The following TBCEL variants were observed in gnomAD, a reference collection of about 807,000 sequenced individuals.
TBCEL encodes tubulin-specific chaperone cofactor E-like protein.
In TBCEL, 15 loss-of-function variants were observed where a neutral mutation model predicts 44.2. That is an observed-to-expected ratio of 0.34 (90% CI 0.23 to 0.52). The LOEUF (loss-of-function observed/expected upper bound fraction) is 0.52. TBCEL is among the 20% of genes least tolerant of loss of function. TBCEL has a pLI of 0.95. For missense variants in TBCEL, 319 were observed against 506.3 expected (o/e 0.63, Z 3.55); for synonymous variants, 171 against 185.4 (o/e 0.92, Z 0.63).
intron 2 of TBCEL, among the ~76,000 whole-genome samples, chr11:121,037,848 A>T (rs1044908963): frequency 2.6e-5 from 4 of 152,136 alleles, no homozygotes; most frequent in Non-Finnish European, 5.9e-5. Context: ...TTTTGATAAT[A>T]CTTATTTACA....
intron 1 of TBCEL, among the ~76,000 whole-genome samples, chr11:121,029,465 A>G (rs1232918918): frequency 1.3e-5 from 2 of 152,248 alleles, no homozygotes; most frequent in Admixed American, 1.3e-4. Context: ...TAACTGTGAA[A>G]TGGCTATTAA....
At position 121,087,119 on chromosome 11, in the gene TBCEL, C is replaced by A; in HGVS notation, c.*23C>A. ...TAACCTCTACCAGCCTTGTGAAAAA[C>A]ATACACATAAGGACTTGTTGCAGGG... On this transcript the variant is annotated 3_prime_UTR_variant, in exon 9 of 9. Transcript: ENST00000683345. 6.3e-7 allele frequency: 1 copy of A among 1,596,968 alleles called. No homozygotes were observed. Among genetic ancestry groups the A allele is most frequent in the Non-Finnish European group, 8.5e-7 (1 of 1,171,574 alleles).
intron 8 of TBCEL, among the ~76,000 whole-genome samples, chr11:121,085,242 G>A (rs1946195214): frequency 6.6e-6 from 1 of 151,976 alleles, no homozygotes; most frequent in Non-Finnish European, 1.5e-5. Context: ...GTTTCACCAT[G>A]TTGACCAGGC....
chr11:121,060,028 C>G lies in TBCEL; in HGVS notation c.899C>G (p.Ser300Cys). ...SVVTDGERED[S>C]ERFFIRYYVD... is the part of the protein sequence containing the mutation. ...GTTACTGATGGTGAACGAGAAGATT[C>G]TGAGAGATTTTTTATTCGTTACTAT... Residue 300 changes from serine (S) to cysteine (C), a missense_variant, in exon 8 of 9, where the codon TCT becomes TGT. Ser to Cys is a moderately radical substitution (Grantham distance 112, BLOSUM62 -1). Coordinates refer to ENST00000683345, the MANE Select transcript of TBCEL (RefSeq NM_001363644.2). The G allele has an allele frequency of 6.2e-7, 1 of 1,611,608 alleles. No homozygotes were observed. The highest frequency in any genetic ancestry group is 1.1e-5 in the South Asian group (1 of 90,928).
intron 6 of TBCEL, among the ~76,000 whole-genome samples, 161 bp downstream of exon 6, chr11:121,055,469 A>G (rs1417946259): frequency 2.6e-5 from 4 of 151,918 alleles, no homozygotes; most frequent in Non-Finnish European, 4.4e-5. Context: ...TAAGAGATTC[A>G]TTTTCATAAA....
At chr11:121,074,302 G>A (rs1427558625) in intron 8 of TBCEL, among the ~76,000 whole-genome samples, 1 of 151,930 alleles carries the variant, frequency 6.6e-6, no homozygotes, top group East Asian at 1.9e-4. Flanking sequence ...TTGGCCCCTA[G>A]GCAGCCACTG....
chr11:121,025,660 A>T (rs1027969439), intron 1 of TBCEL, among the ~76,000 whole-genome samples: 1 of 152,118 alleles, frequency 6.6e-6, no homozygotes, highest in Non-Finnish European at 1.5e-5. Context: ...TTTGGTGTCA[A>T]TCAGTGTCCT....
intron 8 of TBCEL, among the ~76,000 whole-genome samples, chr11:121,082,555 A>T (rs1379539452): frequency 1.3e-5 from 2 of 152,234 alleles, no homozygotes; most frequent in African/African-American, 4.8e-5. Flanking sequence ...GATGGGTATT[A>T]CGTGATTTTA....
At chr11:121,054,568 C>T (rs1198815193) in intron 5 of TBCEL, among the ~76,000 whole-genome samples, 1 of 151,872 alleles carries the variant, frequency 6.6e-6, no homozygotes, top group Non-Finnish European at 1.5e-5. Flanking sequence ...ATCTATAATA[C>T]ACCTGGCATA....
chr11:121,035,064 C>T (rs1945206926), intron 1 of TBCEL, among the ~76,000 whole-genome samples: 1 of 152,136 alleles, frequency 6.6e-6, no homozygotes. Flanking sequence ...ACAAAAATTG[C>T]AAGTTAGTCC....
At chr11:121,052,964 GT>G (rs1398225947) in intron 4 of TBCEL, among the ~76,000 whole-genome samples, 1 of 150,990 alleles carries the variant, frequency 6.6e-6, no homozygotes, top group Non-Finnish European at 1.5e-5. Flanking sequence ...TGATAATCTT[GT>G]TTTCCCTTTC....
At chr11:121,070,832 T>G (rs1223425569) in intron 8 of TBCEL, among the ~76,000 whole-genome samples, 3 of 92,252 alleles carry the variant, frequency 3.3e-5, no homozygotes, top group Admixed American at 1.1e-4. Context: ...CCTTAAAGTA[T>G]TTAAAAAAAA....
At chr11:121,060,426 A>G (rs1345011052) in intron 8 of TBCEL, among the ~76,000 whole-genome samples, 1 of 151,762 alleles carries the variant, frequency 6.6e-6, no homozygotes, top group Non-Finnish European at 1.5e-5. Flanking sequence ...TAGTCTGTTC[A>G]TTCATGTTGG....
At position 121,056,660 on chromosome 11, in the gene TBCEL, T is replaced by C. The variant is rs570031192; in HGVS notation, c.712+1352T>C. Among the ~76,000 whole-genome samples the C allele has an allele frequency of 1.9e-4, 29 of 151,950 alleles. 1 individual carries two copies. The highest frequency in any genetic ancestry group is 4.6e-4 in the Admixed American group (7 of 15,222). On this transcript the variant is annotated intron_variant, in intron 6 of 8. Transcript: ENST00000683345. ...ACCAGAGTTTGATGTTCTCAGTGTT[T>C]TGGATTTTGACTATTCTAATAGGTA... is the stretch of plus-strand genomic sequence containing the variant.
intron 2 of TBCEL, among the ~76,000 whole-genome samples, chr11:121,041,426 A>G (rs1945330929): frequency 6.6e-6 from 1 of 152,178 alleles, no homozygotes; most frequent in South Asian, 2.1e-4. Context: ...ATCTTGAGGC[A>G]CAAACGAATT....
At chr11:121,077,813 T>C (rs1294636445) in intron 8 of TBCEL, among the ~76,000 whole-genome samples, 2 of 152,132 alleles carry the variant, frequency 1.3e-5, no homozygotes, top group African/African-American at 2.4e-5. Flanking sequence ...TTAGTTTTCA[T>C]TGAATTCAGA....
At chr11:121,047,883 C>CCCT (rs1381974926) in intron 4 of TBCEL, 1 of 438,202 alleles carries the variant, frequency 2.3e-6, no homozygotes, top group Non-Finnish European at 3.9e-6. Context: ...ATCACTTGAG[C>CCCT]CCAGGAATTC....
chr11:121,059,409 A>T (rs1945679930), intron 7 of TBCEL, among the ~76,000 whole-genome samples: 1 of 151,926 alleles, frequency 6.6e-6, no homozygotes, highest in Admixed American at 6.6e-5. Context: ...GGGCTGTTTA[A>T]TATGGTAGCC....
At chr11:121,044,324 G>GT (rs1945389233) in intron 2 of TBCEL, among the ~76,000 whole-genome samples, 1 of 152,048 alleles carries the variant, frequency 6.6e-6, no homozygotes, top group South Asian at 2.1e-4. Context: ...AAACCTTTCA[G>GT]TTTTTTCCGT....
Sources: gnomAD v4.1 joint callset for allele counts (sites outside exome capture counted in the v4.1 genomes callset) on GRCh38, gnomAD v4.1.1 for gene constraint, MANE v1.5 for transcripts, NCBI Gene and HGNC (gene_info 2026-07-23, HGNC 2026-07-21) for gene names.